Variants in CYP46A1 observed in about 807,000 individuals in gnomAD.
The protein encoded by CYP46A1 is cholesterol 24-hydroxylase.
In CYP46A1, 20 loss-of-function variants were observed where a neutral mutation model predicts 63.3. The ratio of observed to expected loss-of-function variants is 0.32; its 90% CI spans 0.22 to 0.46. The LOEUF (loss-of-function observed/expected upper bound fraction) is 0.46, where lower values mean the gene tolerates loss of function less well. CYP46A1 is among the 20% of genes least tolerant of loss of function. The probability of loss-of-function intolerance (pLI) is 1.00; values close to 1 mark genes in which losing one functional copy is unlikely to be tolerated. For missense variants in CYP46A1, 445 were observed against 670.8 expected, an observed-to-expected ratio of 0.66 and a Z score of 3.72; for synonymous variants, 268 against 273.6, an observed-to-expected ratio of 0.98 and a Z score of 0.20.
chr14:99,699,194 G>A (rs549130518), intron 3 of CYP46A1, among the ~76,000 whole-genome samples: 11 of 152,170 alleles, frequency 7.2e-5, no homozygotes, highest in African/African-American at 1.9e-4. Flanking sequence ...ATGGGGTTCC[G>A]AGTGTGACAT....
chr14:99,720,446 G>A (rs1190317094), intron 10 of CYP46A1, among the ~76,000 whole-genome samples: 2 of 146,764 alleles, frequency 1.4e-5, no homozygotes, highest in East Asian at 2.0e-4. Context: ...GTATGAAGTG[G>A]TCCAGATCCA....
chr14:99,715,730 G>A, intron 7 of CYP46A1, 80 bp from the exon 8 acceptor site: 4 of 1,591,102 alleles, frequency 2.5e-6, no homozygotes, highest in East Asian at 2.2e-5. Context: ...TGCCGCTAAC[G>A]TCATTTCGGG....
intron 5 of CYP46A1, among the ~76,000 whole-genome samples, chr14:99,702,516 A>C (rs1364123909): frequency 6.6e-6 from 1 of 152,186 alleles, no homozygotes; most frequent in Non-Finnish European, 1.5e-5. Flanking sequence ...AACATTGGAA[A>C]GAAGGTAATC....
intron 8 of CYP46A1, 40 bp from the exon 9 acceptor site, chr14:99,716,097 C>A (rs748123830): frequency 3.1e-6 from 5 of 1,613,382 alleles, no homozygotes; most frequent in East Asian, 4.5e-5. Flanking sequence ...GGAAAGGGAG[C>A]AAAGATTTGC....
chr14:99,687,028 G>A (rs989901029), intron 1 of CYP46A1, among the ~76,000 whole-genome samples: 1 of 152,148 alleles, frequency 6.6e-6, no homozygotes, highest in Admixed American at 6.5e-5. Flanking sequence ...ATTTGCCCCC[G>A]GGTACCCCAG....
chr14:99,710,669 G>T (rs910979366), intron 7 of CYP46A1: 2 of 152,026 alleles, frequency 1.3e-5, no homozygotes, highest in African/African-American at 2.4e-5. Flanking sequence ...AGCACCCAGA[G>T]ATAGAAAGCA....
At chr14:99,691,436 C>T in intron 2 of CYP46A1, 1 of 583,352 alleles carries the variant, frequency 1.7e-6, no homozygotes, top group Non-Finnish European at 3.0e-6. Context: ...GACCAGGTAA[C>T]AGTCATTGTT....
intron 5 of CYP46A1, among the ~76,000 whole-genome samples, chr14:99,704,491 G>C (rs919508735): frequency 3.9e-5 from 6 of 152,178 alleles, no homozygotes; most frequent in African/African-American, 7.2e-5. Flanking sequence ...AAAACTGTGA[G>C]AGTAAATTGC....
At chr14:99,688,855 G>A (rs144377236) in intron 1 of CYP46A1, among the ~76,000 whole-genome samples, 53 of 152,048 alleles carry the variant, frequency 3.5e-4, no homozygotes, top group Non-Finnish European at 6.3e-4. Flanking sequence ...CTGGATCCTC[G>A]TCTGACCTGG....
At position 99,721,954 on chromosome 14, in the gene CYP46A1, A is replaced by G; in HGVS notation, c.1066-2A>G. 1.9e-6 allele frequency: 3 copies of G among 1,611,612 alleles called. No individual in the cohort carries two copies. The highest frequency in any genetic ancestry group is 2.5e-6 in the Non-Finnish European group (3 of 1,178,254). ...TGTTATCTCCCCTTGTGGCTTCTCT[A>G]GGTCCTCAAAGAGTCGCTGAGGCTG... On this transcript the variant is annotated splice_acceptor_variant, in intron 11 of 14. Transcript: ENST00000261835. LOFTEE classifies it high-confidence loss of function.
chr14:99,722,837 C>T lies in CYP46A1; in HGVS notation c.1176+771C>T, dbSNP rs1432040060. The T allele has an allele frequency of 2.3e-6, 1 of 430,872 alleles. No individual in the cohort carries two copies. The highest frequency in any genetic ancestry group is 2.0e-5 in the African/African-American group (1 of 49,720). 26.7% of individuals were successfully genotyped at this position (430,872 alleles called of 1,614,324 possible). On this transcript the variant is annotated intron_variant, in intron 12 of 14. Transcript: ENST00000261835. The surrounding 1 kb of genome is among the most constrained non-coding windows in gnomAD (Gnocchi z 4.6). The stretch of plus-strand genomic sequence containing the variant: ...GCATTTGAGAGGTGTCCAGTTTGTC[C>T]CTATCTCGAGCACCACAGCAACGAT...
rs768274775 is a variant in CYP46A1 at position 99,684,527 on chromosome 14, C to A, written c.110C>A (p.Pro37Gln). ...RSRYEHIPGP[P>Q]RPSFLLGHLP... ...CGCTACGAGCACATCCCCGGGCCGCCGCGGCCCAGGTGAGCGGGGCTGGGG... is the reference window on the plus strand; with the variant it reads ...CGCTACGAGCACATCCCCGGGCCGCAGCGGCCCAGGTGAGCGGGGCTGGGG... The change falls in exon 1 of 15, where the codon CCG becomes CAG. Residue 37 changes from proline to glutamine, a missense_variant. By Grantham distance (76) the Pro-to-Gln change is moderately conservative. Transcript: ENST00000261835. 6.8e-7 allele frequency: 1 copy of A among 1,468,706 alleles called. No individual in the cohort carries two copies. The highest frequency in any genetic ancestry group is 1.3e-5 in the South Asian group (1 of 77,462). 91.0% of individuals were successfully genotyped at this position (1,468,706 alleles called of 1,614,324 possible).
At chr14:99,691,496 C>T in intron 2 of CYP46A1, 1 of 571,656 alleles carries the variant, frequency 1.7e-6, no homozygotes. Context: ...AGATGCGAAT[C>T]ATTTGATTCC....
chr14:99,698,313 A>G (rs992817073), intron 3 of CYP46A1, among the ~76,000 whole-genome samples: 41 of 151,998 alleles, frequency 2.7e-4, no homozygotes, highest in African/African-American at 9.4e-4. Context: ...GGTCTGGATC[A>G]TAGCCGTCTC....
chr14:99,705,442 C>T, intron 5 of CYP46A1, among the ~76,000 whole-genome samples: 1 of 152,250 alleles, frequency 6.6e-6, no homozygotes, highest in East Asian at 1.9e-4. Context: ...GAACTCATGG[C>T]CGCAAGCAAT....
intron 1 of CYP46A1, among the ~76,000 whole-genome samples, chr14:99,688,085 C>T (rs907763536): frequency 3.3e-5 from 5 of 152,052 alleles, no homozygotes; most frequent in African/African-American, 1.2e-4. Context: ...TGGCAGGGAA[C>T]CCCAGGGGTT....
chr14:99,712,920 ACAGC>A, intron 7 of CYP46A1: 1 of 152,180 alleles, frequency 6.6e-6, no homozygotes, highest in African/African-American at 2.4e-5. Context: ...AATAACCAAA[ACAGC>A]ATGGTATTGG....
chr14:99,716,270 C>G, intron 9 of CYP46A1, 71 bp downstream of exon 9: 1 of 1,548,516 alleles, frequency 6.5e-7, no homozygotes, highest in Admixed American at 1.7e-5. Flanking sequence ...ATCCCTCAAA[C>G]CCAACTCTTT....
At position 99,722,018 on chromosome 14, in the gene CYP46A1, G is replaced by T; in HGVS notation, c.1128G>T (p.Glu376Asp). 5.0e-6 allele frequency: 8 copies of T among 1,613,724 alleles called. No homozygotes were observed. Among genetic ancestry groups the T allele is most frequent in the Non-Finnish European group, 5.9e-6 (7 of 1,179,932 alleles). The change falls in exon 12 of 15, where the codon GAG becomes GAT. Residue 376 changes from glutamate to aspartate, a missense_variant. Transcript: ENST00000261835. This position sits in a 1 kb window ranked among gnomAD's most constrained non-coding sequence, Gnocchi z 4.6. ...PAWGTFRLLE[E>D]ETLIDGVRVP... ...GGGGCACCTTTCGCCTGCTGGAAGA[G>T]GAGACCTTGATTGATGGGGTCAGAG...
Sources: gnomAD v4.1 joint callset for allele counts (sites outside exome capture counted in the v4.1 genomes callset) on GRCh38, gnomAD v4.1.1 for gene constraint, Gnocchi (gnomAD v3.1) non-coding constraint, MANE v1.5 for transcripts, NCBI Gene and HGNC (gene_info 2026-07-23, HGNC 2026-07-21) for gene names.